DST: variants seen among roughly 807,000 people sequenced by gnomAD.
DST encodes the protein bullous pemphigoid antigen.
A neutral mutation model predicts 875.2 loss-of-function variants in DST; 253 were observed. The observed-to-expected ratio is 0.29, with a 90% CI of 0.26 to 0.32. The LOEUF (loss-of-function observed/expected upper bound fraction) is 0.32, where lower values mean the gene tolerates loss of function less well. Among genes scored for constraint, DST ranks in the 10% least tolerant of loss-of-function variants. DST has a pLI of 1.00. For synonymous variants in DST, 3,124 were observed against 3,197.1 expected, an observed-to-expected ratio of 0.98 and a Z score of 0.77; for missense variants, 8,287 against 9,111.6, an observed-to-expected ratio of 0.91 and a Z score of 3.68.
intron 4 of DST, among the ~76,000 whole-genome samples, chr6:56,825,913 CCTAAA>C (rs2099779909): frequency 6.6e-6 from 1 of 152,124 alleles, no homozygotes; most frequent in African/African-American, 2.4e-5. Context: ...ACTGAGATCT[CCTAAA>C]GGAAAGCAAC....
intron 4 of DST, chr6:56,843,659 G>A: frequency 1.0e-6 from 1 of 983,422 alleles, no homozygotes; most frequent in Non-Finnish European, 1.2e-6. Context: ...GCATTTCCTG[G>A]CCGCCGCGCC....
At chr6:56,619,942 G>A (rs773365984) in intron 36 of DST, 1 of 1,614,096 alleles carries the variant, frequency 6.2e-7, no homozygotes, top group Non-Finnish European at 8.5e-7. Flanking sequence ...CCTGCTGTTT[G>A]AGTTCTTCTG....
Position 56,843,177 on chromosome 6 carries a change from T to C in DST, c.625+8220A>G, listed in dbSNP as rs752887899. On this transcript the variant is annotated intron_variant, in intron 4 of 103. Transcript: ENST00000680361. ...GTTTATCTAAGCGATGACTGACAAA[T>C]TCCCCTCTCCCCCTCGTAACCCCCG... 9 of 1,530,218 alleles carry C rather than the reference T, an allele frequency of 5.9e-6. No individual in the cohort carries two copies. The South Asian group carries it at 1.0e-4, about 18-fold the overall frequency. 94.8% of individuals were successfully genotyped at this position (1,530,218 alleles called of 1,614,324 possible). A position where few individuals can be genotyped will look rare whatever the true frequency, so the allele number is the denominator to read the frequency against.
At chr6:56,915,613 AC>A (rs147603624) in intron 2 of DST, among the ~76,000 whole-genome samples, 1,810 of 143,988 alleles carry the variant, frequency 0.013, 34 homozygotes, top group African/African-American at 0.041. Context: ...AAGGAAAAAA[AC>A]GTGCTAATTT....
intron 5 of DST, among the ~76,000 whole-genome samples, chr6:56,706,208 G>A (rs2099334564): frequency 6.6e-6 from 1 of 152,086 alleles, no homozygotes; most frequent in Non-Finnish European, 1.5e-5. Context: ...CAGCTACTTG[G>A]GAGGCTGAGA....
intron 22 of DST, among the ~76,000 whole-genome samples, chr6:56,638,650 G>A (rs2098847676): frequency 6.6e-6 from 1 of 152,112 alleles, no homozygotes; most frequent in African/African-American, 2.4e-5. Flanking sequence ...TGTCCCAACT[G>A]CATAGGCAAC....
At chr6:56,905,706 T>C (rs1256877200) in intron 2 of DST, among the ~76,000 whole-genome samples, 1 of 151,856 alleles carries the variant, frequency 6.6e-6, no homozygotes, top group African/African-American at 2.4e-5. Context: ...TGAAGTGCAA[T>C]GGCACAATCT....
intron 34 of DST, among the ~76,000 whole-genome samples, chr6:56,625,868 G>T (rs1455046412): frequency 1.3e-5 from 2 of 151,572 alleles, no homozygotes; most frequent in Admixed American, 1.3e-4. Flanking sequence ...CCTTCCCATG[G>T]GATTTGGAGG....
intron 15 of DST, chr6:56,642,759 G>C (rs1184640608): frequency 6.2e-7 from 1 of 1,613,982 alleles, no homozygotes; most frequent in Non-Finnish European, 8.5e-7. Flanking sequence ...CAGAATCACT[G>C]CTACGGTAAC....
rs1245150064 is a variant in DST at position 56,605,179 on chromosome 6, C to T, written c.9449G>A (p.Ser3150Asn). The change falls in exon 40 of 104, where the codon AGT becomes AAT. Residue 3150 changes from serine (S) to asparagine (N), a missense_variant. Coordinates refer to ENST00000680361, the MANE Select transcript of DST (RefSeq NM_001374736.1). ...TGTAATGTCTGAAGTAATGTCATCA[C>T]TAATCTCTTTGGAAACTGATGTGTC... ...IFDTSVSKEI[S>N]DDITSDITSW... 3 of 1,611,926 alleles carry T rather than the reference C, an allele frequency of 1.9e-6. No individual in the cohort carries two copies. The highest frequency in any genetic ancestry group is 1.3e-5 in the African/African-American group (1 of 74,848).
At chr6:56,803,199 C>G (rs1267716736) in intron 4 of DST, among the ~76,000 whole-genome samples, 2 of 152,166 alleles carry the variant, frequency 1.3e-5, no homozygotes, top group Non-Finnish European at 2.9e-5. Flanking sequence ...AAACCCTGTG[C>G]TCCTAAAATA....
Position 56,624,599 on chromosome 6 carries a change from G to A in DST, c.4860C>T (p.Ala1620=). Residue 1620 remains alanine (A), a synonymous_variant, in exon 36 of 104, where the codon GCC becomes GCT. Transcript: ENST00000680361. Reference sequence around the variant, plus strand: ...TATATTGTGTCATGAGAGTGACCAGGGCAGTATATCGAGTCCTTAGGTCCA... The same window carrying A: ...TATATTGTGTCATGAGAGTGACCAGAGCAGTATATCGAGTCCTTAGGTCCA... ...EFMDLRTRYT[A]LVTLMTQYIK... 6.2e-7 allele frequency: 1 copy of A among 1,613,018 alleles called. No individual in the cohort carries two copies. The highest frequency in any genetic ancestry group is 1.1e-5 in the South Asian group (1 of 91,034).
rs184155923 is a variant in DST at position 56,690,478 on chromosome 6, A to C, written c.1047+9175T>G. 3.5e-3 allele frequency among the ~76,000 whole-genome samples: 527 copies of C among 152,190 alleles called. 3 individuals are homozygous for C. The highest frequency in any genetic ancestry group is 0.017 in the Middle Eastern group (5 of 294). ...TCTAGGTCAGCATGTCATTGCAACG[A>C]CTCAAAAGGGAAGTAGGCTGAGAAT... On this transcript the variant is annotated intron_variant, in intron 9 of 103. Transcript: ENST00000680361.
chr6:56,768,543 C>T (rs1463294034), intron 4 of DST, among the ~76,000 whole-genome samples: 3 of 152,122 alleles, frequency 2.0e-5, no homozygotes, highest in Non-Finnish European at 4.4e-5. Flanking sequence ...CAAAATTTAA[C>T]TCAAAATGAA....
At chr6:56,615,265 A>G (rs949155696) in intron 36 of DST, 1 of 1,280,114 alleles carries the variant, frequency 7.8e-7, no homozygotes, top group Non-Finnish European at 9.9e-7. Context: ...AAAAAAAAAA[A>G]CATTTTAGTG....
At chr6:56,808,376 C>T (rs551501851) in intron 4 of DST, among the ~76,000 whole-genome samples, 4 of 151,806 alleles carry the variant, frequency 2.6e-5, no homozygotes, top group African/African-American at 4.8e-5. Context: ...GGACAAAAAG[C>T]GTTGAGAGAC....
At chr6:56,560,179 T>C (rs2097514269) in intron 58 of DST, 115 bp downstream of exon 58, 2 of 1,092,384 alleles carry the variant, frequency 1.8e-6, no homozygotes, top group Non-Finnish European at 2.5e-6. Context: ...TTCTGAAACA[T>C]TAAAGCAAAT....
At position 56,643,276 on chromosome 6, in the gene DST, G is replaced by A. The variant is rs191720800; in HGVS notation, c.1779-773C>T. Among the ~76,000 whole-genome samples, 212 of 152,302 alleles carry A rather than the reference G, an allele frequency of 1.4e-3. 1 individual carries two copies. Among genetic ancestry groups the A allele is most frequent in the African/African-American group, 4.7e-3 (197 of 41,574 alleles). ...CCAGGTCTGTGCTGAATAATGTAAG[G>A]AAGGCAAACAGCTAGAAATTATGAA... On this transcript the variant is annotated intron_variant, in intron 15 of 103. Transcript: ENST00000680361.
At chr6:56,533,119 G>C (rs139224772) in intron 63 of DST, among the ~76,000 whole-genome samples, 2 of 152,208 alleles carry the variant, frequency 1.3e-5, no homozygotes, top group African/African-American at 4.8e-5. Context: ...AACAGGAAGA[G>C]AGGGTAGAAG....
Sources: allele counts gnomAD v4.1 joint callset (sites outside exome capture counted in the v4.1 genomes callset), GRCh38; gene constraint gnomAD v4.1.1; transcripts MANE v1.5; gene names NCBI Gene and HGNC (gene_info 2026-07-23, HGNC 2026-07-21).